GLIS3: variants seen among roughly 807,000 people sequenced by gnomAD.
GLIS3 encodes the protein GLIS family zinc finger 3.
In GLIS3, 53 loss-of-function variants were observed where a neutral mutation model predicts 78.6. That is an observed-to-expected ratio of 0.67 (90% confidence interval 0.54 to 0.85). GLIS3 has a LOEUF of 0.85. Ranked by LOEUF, GLIS3 falls within the 40% of genes least tolerant of loss-of-function variation. The pLI is 0.00. For missense variants in GLIS3, 1,703 were observed against 1,231.1 expected, an observed-to-expected ratio of 1.38 and a Z score of -5.74; for synonymous variants, 684 against 509.9, an observed-to-expected ratio of 1.34 and a Z score of -4.60.
At chr9:4,377,254 T>C in the GLIS3 span, among the ~76,000 whole-genome samples, 1 of 135,518 alleles carries the variant, frequency 7.4e-6, no homozygotes, top group Non-Finnish European at 1.7e-5. Context: ...CCAGCGCATC[T>C]GGAACAAAGC....
the GLIS3 span, among the ~76,000 whole-genome samples, chr9:4,442,021 A>G: frequency 4.6e-5 from 7 of 152,208 alleles, no homozygotes; most frequent in Admixed American, 3.9e-4. Flanking sequence ...GCTTAAGAAG[A>G]GCTGGTATTA....
At chr9:4,450,036 T>C in the GLIS3 span, among the ~76,000 whole-genome samples, 1 of 152,076 alleles carries the variant, frequency 6.6e-6, no homozygotes, top group Non-Finnish European at 1.5e-5. Flanking sequence ...AGGTCGGTAA[T>C]AACAAACTTC....
chr9:4,085,377 G>T (rs1828931226), intron 4 of GLIS3, among the ~76,000 whole-genome samples: 1 of 151,430 alleles, frequency 6.6e-6, no homozygotes, highest in East Asian at 1.9e-4. Flanking sequence ...CAGATTGCTG[G>T]TGTCTTCCTG....
chr9:4,388,098 G>C, the GLIS3 span, among the ~76,000 whole-genome samples: 1 of 152,120 alleles, frequency 6.6e-6, no homozygotes, highest in Non-Finnish European at 1.5e-5. Flanking sequence ...CCTGCATTCA[G>C]CCTTTGTCTT....
upstream of GLIS3, among the ~76,000 whole-genome samples, chr9:4,302,319 T>C (rs577331555): frequency 1.2e-4 from 18 of 152,342 alleles, no homozygotes; most frequent in Admixed American, 1.0e-3. Flanking sequence ...GAGACCAGTG[T>C]TGTATGTGCC....
At chr9:3,881,471 T>C (rs1277313170) in intron 7 of GLIS3, among the ~76,000 whole-genome samples, 1 of 152,212 alleles carries the variant, frequency 6.6e-6, no homozygotes, top group Non-Finnish European at 1.5e-5. Flanking sequence ...CACTCTGTGC[T>C]CTACTCTATG....
intron 4 of GLIS3, among the ~76,000 whole-genome samples, chr9:4,057,670 G>A (rs1353639180): frequency 6.6e-6 from 1 of 151,726 alleles, no homozygotes; most frequent in South Asian, 2.1e-4. Flanking sequence ...AGAAAGAAAG[G>A]TCAGATCGAC....
intron 2 of GLIS3, among the ~76,000 whole-genome samples, chr9:4,259,372 TG>T (rs1330791110): frequency 1.3e-5 from 2 of 152,024 alleles, no homozygotes; most frequent in Non-Finnish European, 2.9e-5. Flanking sequence ...TATGGGGGAT[TG>T]AAAACAGATC....
At chr9:3,992,246 G>T (rs1820374696) in intron 4 of GLIS3, among the ~76,000 whole-genome samples, 1 of 152,102 alleles carries the variant, frequency 6.6e-6, no homozygotes, top group Non-Finnish European at 1.5e-5. Context: ...AAAAAAATAT[G>T]TTTTCCAGAA....
chr9:4,166,271 G>C (rs113350775), intron 2 of GLIS3, among the ~76,000 whole-genome samples: 1 of 152,142 alleles, frequency 6.6e-6, no homozygotes, highest in African/African-American at 2.4e-5. Context: ...TAGGGTTGAT[G>C]GTGACTAGGA....
chr9:3,997,175 C>T (rs1417782025), intron 4 of GLIS3, among the ~76,000 whole-genome samples: 1 of 152,084 alleles, frequency 6.6e-6, no homozygotes, highest in Middle Eastern at 3.4e-3. Context: ...GGAAAAACCC[C>T]GTCTCTACTA....
chr9:4,109,517 G>C (rs1226388648), intron 4 of GLIS3, among the ~76,000 whole-genome samples: 2 of 152,214 alleles, frequency 1.3e-5, no homozygotes, highest in East Asian at 3.8e-4. Flanking sequence ...GCTGCCAAGA[G>C]ATATGTTTTA....
intron 2 of GLIS3, among the ~76,000 whole-genome samples, chr9:4,148,378 T>A (rs1210479788): frequency 6.6e-6 from 1 of 152,032 alleles, no homozygotes; most frequent in Non-Finnish European, 1.5e-5. Context: ...CCCCATACTC[T>A]CCATATTTCC....
At chr9:4,001,366 A>C (rs1171662169) in intron 4 of GLIS3, among the ~76,000 whole-genome samples, 1 of 152,234 alleles carries the variant, frequency 6.6e-6, no homozygotes, top group Non-Finnish European at 1.5e-5. Context: ...CTAAGGAAAA[A>C]GCACCAAATG....
At chr9:4,478,197 C>T in the GLIS3 span, among the ~76,000 whole-genome samples, 1 of 152,154 alleles carries the variant, frequency 6.6e-6, no homozygotes, top group South Asian at 2.1e-4. Flanking sequence ...AATGAAGGGG[C>T]TCCCATTGGC....
upstream of GLIS3, among the ~76,000 whole-genome samples, chr9:4,301,833 A>C (rs1054456651): frequency 6.6e-6 from 1 of 152,154 alleles, no homozygotes; most frequent in African/African-American, 2.4e-5. Flanking sequence ...AAACACTGGG[A>C]AAGTTAGGAG....
At chr9:4,450,081 A>G in the GLIS3 span, among the ~76,000 whole-genome samples, 1 of 152,218 alleles carries the variant, frequency 6.6e-6, no homozygotes, top group Non-Finnish European at 1.5e-5. Flanking sequence ...ACCCATCACA[A>G]GGAAGCTAAA....
intron 2 of GLIS3, among the ~76,000 whole-genome samples, chr9:4,160,664 A>G (rs930941384): frequency 1.3e-5 from 2 of 152,196 alleles, no homozygotes; most frequent in African/African-American, 2.4e-5. Context: ...TTTAGGTAAG[A>G]CTTACTTTTC....
At chr9:4,235,226 G>C (rs1822614228) in intron 2 of GLIS3, among the ~76,000 whole-genome samples, 1 of 151,516 alleles carries the variant, frequency 6.6e-6, no homozygotes, top group Admixed American at 6.6e-5. Context: ...TTGAACCCGG[G>C]AGGCGGAGGT....
Sources: allele counts gnomAD v4.1 joint callset (sites outside exome capture counted in the v4.1 genomes callset), GRCh38; gene constraint gnomAD v4.1.1; transcripts MANE v1.5; gene names NCBI Gene and HGNC (gene_info 2026-07-23, HGNC 2026-07-21).